COMMD10: variants seen among roughly 807,000 people sequenced by gnomAD.
COMMD10 encodes the protein COMM domain containing 10.
In COMMD10, 33 loss-of-function variants were observed where a neutral mutation model predicts 28.9. The ratio of observed to expected loss-of-function variants is 1.14; its 90% confidence interval spans 0.87 to 1.53. The LOEUF (loss-of-function observed/expected upper bound fraction) is 1.53, where lower values mean the gene tolerates loss of function less well. COMMD10 is among the 40% of genes most tolerant of loss of function. The pLI, the probability that COMMD10 is intolerant of heterozygous loss-of-function variation, is 0.00. For missense variants in COMMD10, 310 were observed against 233.4 expected, an observed-to-expected ratio of 1.33 and a Z score of -2.14; for synonymous variants, 110 against 81.7, an observed-to-expected ratio of 1.35 and a Z score of -1.87.
intron 5 of COMMD10, among the ~76,000 whole-genome samples, chr5:116,268,468 T>C (rs1372051073): frequency 2.0e-5 from 3 of 151,854 alleles, no homozygotes; most frequent in African/African-American, 7.3e-5. Context: ...CTGGAGAGGA[T>C]GTGGAGAAAT....
At chr5:116,103,092 C>G (rs1750719938) in intron 4 of COMMD10, among the ~76,000 whole-genome samples, 1 of 151,890 alleles carries the variant, frequency 6.6e-6, no homozygotes, top group African/African-American at 2.4e-5. Context: ...GGGTTGGTTC[C>G]AAGTCTTTGC....
At chr5:116,262,341 C>T (rs1750470418) in intron 5 of COMMD10, among the ~76,000 whole-genome samples, 5 of 151,658 alleles carry the variant, frequency 3.3e-5, no homozygotes, top group African/African-American at 4.9e-5. Context: ...CCAATTTCTT[C>T]GTGTTGCCTT....
rs1751417370 is a variant in COMMD10, at chr5:116,293,157, A to G, written c.*668A>G. On this transcript the variant is annotated 3_prime_UTR_variant, in exon 7 of 7. Transcript: ENST00000274458. ...AATGATTCACTTTATAGTTTGGGAG[A>G]CAGAATCAGGTCTTGAATAAAATAA... 2.5e-6 allele frequency: 1 copy of G among 392,716 alleles called. No homozygotes were observed. The highest frequency in any genetic ancestry group is 1.4e-4 in the South Asian group (1 of 7,370). The allele number at this position is 392,716 out of a possible 1,614,324, so 24.3% of individuals were successfully genotyped here.
chr5:116,127,120 T>G (rs1751681484), intron 4 of COMMD10, among the ~76,000 whole-genome samples: 1 of 152,164 alleles, frequency 6.6e-6, no homozygotes, highest in South Asian at 2.1e-4. Flanking sequence ...GCAAAGGATA[T>G]GAACAGACAC....
intron 4 of COMMD10, among the ~76,000 whole-genome samples, chr5:116,127,937 TAAA>T (rs1184409822): frequency 7.3e-5 from 11 of 151,322 alleles, no homozygotes; most frequent in Admixed American, 6.6e-5. Context: ...ATAATAATAA[TAAA>T]AAAGGTGGGA....
intron 5 of COMMD10, among the ~76,000 whole-genome samples, chr5:116,290,996 T>C (rs775067173): frequency 2.0e-5 from 3 of 152,150 alleles, no homozygotes; most frequent in African/African-American, 7.2e-5. Flanking sequence ...GAAACTGTTG[T>C]GTTAATTGTG....
At chr5:116,202,919 T>C (rs1250334738) in intron 5 of COMMD10, among the ~76,000 whole-genome samples, 4 of 152,172 alleles carry the variant, frequency 2.6e-5, no homozygotes, top group African/African-American at 9.7e-5. Context: ...TTTTGGCTTT[T>C]GTTGCCATTG....
At chr5:116,095,822 A>AT (rs1275463122) in intron 4 of COMMD10, among the ~76,000 whole-genome samples, 2 of 152,064 alleles carry the variant, frequency 1.3e-5, no homozygotes, top group African/African-American at 2.4e-5. Flanking sequence ...GTCAAAGTTC[A>AT]TTTTTTCTAT....
intron 5 of COMMD10, chr5:116,188,611 T>TTCCG (rs1326954489): frequency 2.1e-5 from 3 of 145,010 alleles, no homozygotes; most frequent in Non-Finnish European, 3.0e-5. Context: ...TTTTCCTTCC[T>TTCCG]TCCTTCCTTC....
At chr5:116,207,303 T>C (rs1184686806) in intron 5 of COMMD10, among the ~76,000 whole-genome samples, 2 of 152,196 alleles carry the variant, frequency 1.3e-5, no homozygotes, top group African/African-American at 4.8e-5. Context: ...TTACTAATAG[T>C]TTAGATAAAT....
intron 5 of COMMD10, among the ~76,000 whole-genome samples, chr5:116,244,255 C>G (rs1413453262): frequency 6.6e-6 from 1 of 151,944 alleles, no homozygotes; most frequent in African/African-American, 2.4e-5. Context: ...CACCAGGTAT[C>G]AGTAATTGAT....
At chr5:116,275,592 C>T (rs530917067) in intron 5 of COMMD10, among the ~76,000 whole-genome samples, 3 of 151,864 alleles carry the variant, frequency 2.0e-5, no homozygotes, top group East Asian at 3.9e-4. Flanking sequence ...AACACCCTAG[C>T]GTGTTGCTCG....
chr5:116,105,165 C>T (rs2112728010), intron 4 of COMMD10, among the ~76,000 whole-genome samples: 1 of 152,020 alleles, frequency 6.6e-6, no homozygotes, highest in South Asian at 2.1e-4. Context: ...TTTTTTAGCA[C>T]AAAGGGCTGT....
chr5:116,261,470 A>C (rs1025611235), intron 5 of COMMD10, among the ~76,000 whole-genome samples: 1 of 151,658 alleles, frequency 6.6e-6, no homozygotes, highest in Non-Finnish European at 1.5e-5. Flanking sequence ...TATTCTTCTC[A>C]TAACTTAGTA....
chr5:116,132,178 AT>A (rs753444480), intron 4 of COMMD10, among the ~76,000 whole-genome samples: 2 of 152,080 alleles, frequency 1.3e-5, no homozygotes, highest in Non-Finnish European at 2.9e-5. Flanking sequence ...TATTTGAAAA[AT>A]ATTTAGAAGA....
chr5:116,107,095 T>C (rs1750864296), intron 4 of COMMD10, among the ~76,000 whole-genome samples: 1 of 152,148 alleles, frequency 6.6e-6, no homozygotes, highest in African/African-American at 2.4e-5. Flanking sequence ...CCTTTCCCTC[T>C]GGCTGCCCTT....
At chr5:116,153,560 A>G (rs1413243053) in intron 5 of COMMD10, among the ~76,000 whole-genome samples, 1 of 152,102 alleles carries the variant, frequency 6.6e-6, no homozygotes, top group Non-Finnish European at 1.5e-5. Context: ...TGACCAATTA[A>G]TATGTGCCAG....
chr5:116,229,655 G>A (rs918535718), intron 5 of COMMD10, among the ~76,000 whole-genome samples: 2 of 151,936 alleles, frequency 1.3e-5, no homozygotes, highest in African/African-American at 2.4e-5. Context: ...CGGTTCATAT[G>A]TGAAACAGCT....
chr5:116,189,251 T>A (rs1013689723), intron 5 of COMMD10, among the ~76,000 whole-genome samples: 1 of 151,960 alleles, frequency 6.6e-6, no homozygotes, highest in Non-Finnish European at 1.5e-5. Flanking sequence ...TGCAAAGACA[T>A]AGCAACAGTT....
Sources: allele counts gnomAD v4.1 joint callset (sites outside exome capture counted in the v4.1 genomes callset), GRCh38; gene constraint gnomAD v4.1.1; transcripts MANE v1.5; gene names NCBI Gene and HGNC (gene_info 2026-07-23, HGNC 2026-07-21).